DOCK6: variants seen among roughly 807,000 people sequenced by gnomAD.
DOCK6 encodes dedicator of cytokinesis protein 6.
DOCK6 carries 167 observed loss-of-function variants against 230.3 expected under a neutral mutation model. The ratio of observed to expected loss-of-function variants is 0.73; its 90% confidence interval spans 0.64 to 0.82. The LOEUF is 0.82. Ranked by LOEUF, DOCK6 falls within the 40% of genes least tolerant of loss-of-function variation. The pLI, the probability that DOCK6 is intolerant of heterozygous loss-of-function variation, is 0.00. For synonymous variants in DOCK6, 1,148 were observed against 1,185.0 expected (o/e 0.97, Z 0.64); for missense variants, 2,598 against 2,825.8 (o/e 0.92, Z 1.83).
At chr19:11,252,018 C>T (rs2080123910) in intron 5 of DOCK6, 101 bp downstream of exon 5, 1 of 1,528,604 alleles carries the variant, frequency 6.5e-7, no homozygotes, top group Admixed American at 2.0e-5. Context: ...TCCTTTTGAG[C>T]TCAAGGCTGT....
chr19:11,215,410 C>T lies in DOCK6; in HGVS notation c.4083G>A (p.Lys1361=). Residue 1361 remains lysine (K), a synonymous_variant, in exon 32 of 48, where the codon AAG becomes AAA. Transcript: ENST00000294618. Reference sequence around the variant, plus strand: ...ACTTGTCCACGCGGTCTGAGGTTTGCTTCCAGTGTGTGACGCTCTTCCGCC... The same window carrying T: ...ACTTGTCCACGCGGTCTGAGGTTTGTTTCCAGTGTGTGACGCTCTTCCGCC... ...VRWRKSVTHW[K]QTSDRVDKTK... is the part of the protein sequence containing the mutation. The T allele has an allele frequency of 1.2e-6, 2 of 1,613,758 alleles. No individual in the cohort carries two copies. Among genetic ancestry groups the T allele is most frequent in the Non-Finnish European group, 1.7e-6 (2 of 1,179,836 alleles).
intron 23 of DOCK6, 88 bp from the exon 24 acceptor site, chr19:11,227,565 G>C (rs915751045): frequency 6.8e-7 from 1 of 1,476,054 alleles, no homozygotes; most frequent in Admixed American, 2.0e-5. Context: ...GAAGGGCTGT[G>C]GGTGGGGCTT....
chr19:11,234,428 GA>G (rs796761369), intron 21 of DOCK6, among the ~76,000 whole-genome samples: 53 of 95,232 alleles, frequency 5.6e-4, no homozygotes, highest in South Asian at 1.3e-3. Context: ...TTAAAAAAAA[GA>G]AAAAAAAAAA....
chr19:11,203,897 C>CG (rs2079212758), intron 41 of DOCK6, 184 bp downstream of exon 41: 2 of 674,156 alleles, frequency 3.0e-6, no homozygotes, highest in East Asian at 2.9e-5. Flanking sequence ...AGATCTGGGG[C>CG]GGGGGGTGGG....
At chr19:11,239,920 C>T (rs1444944749) in intron 14 of DOCK6, 2 of 1,584,766 alleles carry the variant, frequency 1.3e-6, no homozygotes, top group Non-Finnish European at 1.7e-6. Flanking sequence ...TCGGGCAAGC[C>T]TGTTGGAGAC....
rs1342947372 is a variant in DOCK6, at chr19:11,222,761, G to T, written c.3214C>A (p.Pro1072Thr). ...CPLSPPASPSPSVSSTTSQSS... is the reference protein window; with the variant it reads ...CPLSPPASPSTSVSSTTSQSS... ...TGGGAGGTGGTGGAGGACACAGAGG[G>T]GGAGGGCGAGGCTGGAGGTGACAGG... The change falls in exon 26 of 48, where the codon CCC (proline) becomes ACC (threonine). Residue 1072 changes from proline to threonine, a missense_variant. Transcript: ENST00000294618. The surrounding 1 kb of genome is among the most constrained non-coding windows in gnomAD (Gnocchi z 4.0). 6.3e-7 allele frequency: 1 copy of T among 1,578,844 alleles called. No homozygotes were observed. The highest frequency in any genetic ancestry group is 1.3e-5 in the African/African-American group (1 of 74,444).
intron 29 of DOCK6, 47 bp downstream of exon 29, chr19:11,217,184 C>T (rs773060207): frequency 1.2e-6 from 2 of 1,601,026 alleles, no homozygotes; most frequent in South Asian, 2.2e-5. Flanking sequence ...CATGACTTCT[C>T]TCATTCAAAG....
intron 21 of DOCK6, 80 bp from the exon 22 acceptor site, chr19:11,233,446 T>G: frequency 8.0e-6 from 12 of 1,498,516 alleles, no homozygotes; most frequent in Non-Finnish European, 9.9e-6. Context: ...AGCTAATCTC[T>G]GCAAAATCAC....
At chr19:11,239,767 C>T in intron 14 of DOCK6, 3 of 1,611,322 alleles carry the variant, frequency 1.9e-6, no homozygotes, top group Non-Finnish European at 2.5e-6. Flanking sequence ...TGGGACCCTG[C>T]AGCTGGGCCA....
chr19:11,221,765 A>T, intron 28 of DOCK6, 86 bp downstream of exon 28: 1 of 1,591,920 alleles, frequency 6.3e-7, no homozygotes, highest in East Asian at 2.2e-5. Flanking sequence ...CATACCAGTG[A>T]CTGTGTTCTC....
At chr19:11,257,507 A>T (rs1343720014) in intron 1 of DOCK6, among the ~76,000 whole-genome samples, 1 of 149,022 alleles carries the variant, frequency 6.7e-6, no homozygotes, top group Non-Finnish European at 1.5e-5. Flanking sequence ...AAAAAAAAAA[A>T]GCTGGGCACT....
intron 39 of DOCK6, among the ~76,000 whole-genome samples, chr19:11,207,150 T>C (rs932201037): frequency 2.0e-5 from 3 of 152,070 alleles, no homozygotes; most frequent in African/African-American, 7.2e-5. Context: ...TGCTTTAAGC[T>C]GGAGCTTCTC....
rs576945879 is a variant in DOCK6, at chr19:11,245,552, C to G, written c.1023+11G>C. 1.2e-5 allele frequency: 19 copies of G among 1,552,920 alleles called. No individual in the cohort carries two copies. In the South Asian group the frequency reaches 2.0e-4, roughly 17 times the overall value. ...GCCATTACCACCCCCTTGCCCAGCC[C>G]CAGCAGGCACCTTGATGACCAGGAA... is the stretch of plus-strand genomic sequence containing the variant. On this transcript the variant is annotated intron_variant, in intron 9 of 47. Transcript: ENST00000294618.
chr19:11,220,888 G>A (rs1395478213), intron 28 of DOCK6, among the ~76,000 whole-genome samples: 1 of 149,648 alleles, frequency 6.7e-6, no homozygotes, highest in Non-Finnish European at 1.5e-5. Context: ...GCAGTGGTGC[G>A]ATCTCAGCTC....
chr19:11,241,513 G>C, intron 14 of DOCK6: 1 of 1,552,918 alleles, frequency 6.4e-7, no homozygotes, highest in Non-Finnish European at 8.7e-7. Flanking sequence ...AGAGGCGGGA[G>C]ATGGTGGCAC....
Position 11,201,836 on chromosome 19 carries a change from GT to G in DOCK6, c.5688+52del. The G allele has an allele frequency of 1.5e-6, 2 of 1,348,034 alleles. No homozygotes were observed. The highest frequency in any genetic ancestry group is 2.0e-6 in the Non-Finnish European group (2 of 984,756). The allele number at this position is 1,348,034 out of a possible 1,614,324, so 83.5% of individuals were successfully genotyped here. A position where few individuals can be genotyped will look rare whatever the true frequency, so the allele number is the denominator to read the frequency against. ...GTCTACCCTCCCCTCCCCTCCCAGGGTCTGATGTCCCCTCACCTCCCCACCC... is the reference window on the plus strand; with the variant it reads ...GTCTACCCTCCCCTCCCCTCCCAGGGCTGATGTCCCCTCACCTCCCCACCC... On this transcript the variant is annotated intron_variant, in intron 44 of 47. Transcript: ENST00000294618. The surrounding 1 kb of genome is among the most constrained non-coding windows in gnomAD (Gnocchi z 4.3).
intron 14 of DOCK6, chr19:11,240,386 T>C: frequency 7.5e-7 from 1 of 1,336,902 alleles, no homozygotes; most frequent in Admixed American, 2.9e-5. Flanking sequence ...ACCTCCCAGA[T>C]CAGCCTCCCA....
chr19:11,241,458 A>G, intron 14 of DOCK6: 1 of 1,550,068 alleles, frequency 6.5e-7, no homozygotes, highest in Non-Finnish European at 8.7e-7. Flanking sequence ...CACGCTGACA[A>G]GCAGAGCCAC....
At chr19:11,232,158 G>A in intron 22 of DOCK6, 1 of 1,279,830 alleles carries the variant, frequency 7.8e-7, no homozygotes, top group South Asian at 1.2e-5. Flanking sequence ...GGTGTCACAT[G>A]AGTGCAGGGA....
Sources: gnomAD v4.1 joint callset for allele counts (sites outside exome capture counted in the v4.1 genomes callset) on GRCh38, gnomAD v4.1.1 for gene constraint, Gnocchi (gnomAD v3.1) non-coding constraint, MANE v1.5 for transcripts, NCBI Gene and HGNC (gene_info 2026-07-23, HGNC 2026-07-21) for gene names.